EMG1: variants seen among roughly 807,000 people sequenced by gnomAD.
The protein encoded by EMG1 is EMG1 N1-specific pseudouridine methyltransferase.
In EMG1, 24 loss-of-function variants were observed where a neutral mutation model predicts 26.9. The ratio of observed to expected loss-of-function variants is 0.89; its 90% CI spans 0.65 to 1.26. The LOEUF (loss-of-function observed/expected upper bound fraction) is 1.26. Ranked by LOEUF, EMG1 falls within the 50% of genes most tolerant of loss-of-function variation. The pLI, the probability that EMG1 is intolerant of heterozygous loss-of-function variation, is 0.00. For missense variants in EMG1, 299 were observed against 307.6 expected (o/e 0.97, Z 0.21); for synonymous variants, 140 against 112.6 (o/e 1.24, Z -1.54).
At chr12:6,972,066 C>CTTTT (rs11292192) in intron 1 of EMG1, among the ~76,000 whole-genome samples, 22 of 124,684 alleles carry the variant, frequency 1.8e-4, no homozygotes, top group African/African-American at 5.8e-4. Context: ...TCTAAATACA[C>CTTTT]TTTTTTTTTT....
intron 7 of EMG1, among the ~76,000 whole-genome samples, chr12:6,994,557 T>C (rs1192834793): frequency 6.6e-6 from 1 of 151,948 alleles, no homozygotes; most frequent in Non-Finnish European, 1.5e-5. Context: ...GCCTCAACTT[T>C]CTAGGTTCAA....
At position 6,987,356 on chromosome 12, in the gene EMG1, G is replaced by A. The variant is rs1280735416; in HGVS notation, c.*155-426G>A. On this transcript the variant is annotated intron_variant and NMD_transcript_variant, in intron 6 of 7. Coordinates refer to the EMG1 transcript ENST00000261406. This position sits in a 1 kb window ranked among gnomAD's most constrained non-coding sequence, Gnocchi z 4.1. ...GGTTCGTTTTCTAGCTGGCTGAGAT[G>A]ATGGGATATAGGATCACTAGCTCTA... 6.6e-6 allele frequency among the ~76,000 whole-genome samples: 1 copy of A among 152,190 alleles called. No homozygotes were observed. Among genetic ancestry groups the A allele is most frequent in the Admixed American group, 6.5e-5 (1 of 15,280 alleles).
downstream of EMG1, chr12:6,983,040 A>G (rs1555154349): frequency 2.4e-5 from 14 of 576,320 alleles, 1 homozygote; most frequent in East Asian, 7.8e-5. Context: ...TGAGTGCAGT[A>G]GCTCAATCAT....
chr12:6,980,756 G>A, downstream of EMG1: 1 of 341,952 alleles, frequency 2.9e-6, no homozygotes, highest in Non-Finnish European at 5.3e-6. Flanking sequence ...AAATGTGACT[G>A]GTTCAGGCAA....
In EMG1 at chr12:6,987,716, G is replaced by A. The variant is rs1045087076; in HGVS notation, c.*155-66G>A. 3 of 399,578 alleles carry A rather than the reference G, an allele frequency of 7.5e-6. No homozygotes were observed. Among genetic ancestry groups the A allele is most frequent in the East Asian group, 7.1e-5 (2 of 28,062 alleles). 24.8% of individuals were successfully genotyped at this position (399,578 alleles called of 1,614,324 possible). ...AAACCCTTAACCATTTGGAATGCTC[G>A]AAATTAAAAAACACCACACATATTA... is the stretch of plus-strand genomic sequence containing the variant. On this transcript the variant is annotated intron_variant and NMD_transcript_variant, in intron 6 of 7. Coordinates refer to the EMG1 transcript ENST00000261406. This position sits in a 1 kb window ranked among gnomAD's most constrained non-coding sequence, Gnocchi z 4.1.
At chr12:6,972,446 G>A (rs1201742150) in intron 1 of EMG1, among the ~76,000 whole-genome samples, 1 of 152,040 alleles carries the variant, frequency 6.6e-6, no homozygotes, top group African/African-American at 2.4e-5. Context: ...CAAGAATGTT[G>A]CTAGACATAT....
At chr12:6,973,496 C>A (rs1225388154) in intron 1 of EMG1, among the ~76,000 whole-genome samples, 1 of 151,862 alleles carries the variant, frequency 6.6e-6, no homozygotes, top group Admixed American at 6.6e-5. Context: ...TGGGAATAAC[C>A]CCTCTTCCTT....
At chr12:6,972,727 T>G (rs1264430616) in intron 1 of EMG1, among the ~76,000 whole-genome samples, 2 of 152,230 alleles carry the variant, frequency 1.3e-5, no homozygotes, top group Non-Finnish European at 2.9e-5. Flanking sequence ...GGCTTTGTGC[T>G]TGATACATTA....
rs1565596659 is a variant in EMG1, at chr12:6,978,380, A to G, written c.*2571A>G. On this transcript the variant is annotated 3_prime_UTR_variant, in exon 6 of 6. Coordinates refer to ENST00000599672, the MANE Select transcript of EMG1 (RefSeq NM_006331.8). ...GTTGGTGTTGATGTTGAATGAGGCA[A>G]TGGTGCCAGTGAAGCGGGGGTTTGT... 1.2e-6 allele frequency: 2 copies of G among 1,613,450 alleles called. No homozygotes were observed. The highest frequency in any genetic ancestry group is 1.1e-5 in the South Asian group (1 of 91,038).
At chr12:6,975,039 A>G in intron 3 of EMG1, 51 bp from the exon 4 acceptor site, 1 of 1,567,850 alleles carries the variant, frequency 6.4e-7, no homozygotes, top group Non-Finnish European at 8.8e-7. Flanking sequence ...ATGACTGGAC[A>G]GAAGGACTGT....
chr12:6,980,021 CTT>C (rs34110645), downstream of EMG1: 57 of 122,764 alleles, frequency 4.6e-4, no homozygotes, highest in Admixed American at 6.5e-4. Context: ...GGCAATTAAA[CTT>C]TTTTTTTTTT....
At chr12:6,992,790 A>C (rs1347801109), downstream of EMG1, among the ~76,000 whole-genome samples, 5 of 152,132 alleles carry the variant, frequency 3.3e-5, no homozygotes, top group Non-Finnish European at 5.9e-5. Flanking sequence ...CTTGGTGTCC[A>C]TGAAGGATTG....
downstream of EMG1, among the ~76,000 whole-genome samples, chr12:6,982,134 T>TG (rs1946477262): frequency 6.6e-6 from 1 of 152,056 alleles, no homozygotes; most frequent in Non-Finnish European, 1.5e-5. Context: ...GGACCACAGG[T>TG]GCATGCCACC....
chr12:6,992,969 T>C (rs782677302), downstream of EMG1, among the ~76,000 whole-genome samples: 5 of 152,302 alleles, frequency 3.3e-5, no homozygotes, highest in African/African-American at 9.6e-5. Context: ...ATATAGCATA[T>C]TGTTTTTTAT....
In EMG1 at chr12:6,978,202, T is replaced by A. The variant is rs1258529438; in HGVS notation, c.*2393T>A. The A allele has an allele frequency of 1.1e-6, 1 of 924,892 alleles. No homozygotes were observed. The highest frequency in any genetic ancestry group is 2.1e-5 in the African/African-American group (1 of 47,804). 57.3% of individuals were successfully genotyped at this position (924,892 alleles called of 1,614,324 possible). ...TTTGGGAGGGGGGTATAGGTGGGGG[T>A]CAAAGTCAGTGTGAGCGACAGGGGG... On this transcript the variant is annotated 3_prime_UTR_variant, in exon 6 of 6. Transcript: ENST00000599672.
chr12:6,982,262 C>G (rs1946478352), downstream of EMG1, among the ~76,000 whole-genome samples: 1 of 152,148 alleles, frequency 6.6e-6, no homozygotes, highest in Admixed American at 6.5e-5. Context: ...TAGTCTCAAA[C>G]TCCTGGGCTC....
At chr12:6,995,440 C>CTCCA in intron 7 of EMG1, among the ~76,000 whole-genome samples, 1 of 151,640 alleles carries the variant, frequency 6.6e-6, no homozygotes, top group Admixed American at 6.6e-5. Context: ...TCTCACTGTA[C>CTCCA]TCCAGCCTGG....
downstream of EMG1, among the ~76,000 whole-genome samples, chr12:6,992,280 C>G (rs1946596459): frequency 6.6e-6 from 1 of 151,718 alleles, no homozygotes; most frequent in African/African-American, 2.4e-5. Context: ...CGGCAGTGAG[C>G]TGTGATGCCC....
Position 6,979,152 on chromosome 12 carries a change from A to G in EMG1, c.*3343A>G. 2.7e-6 allele frequency: 1 copy of G among 372,430 alleles called. No homozygotes were observed. The highest frequency in any genetic ancestry group is 4.9e-6 in the Non-Finnish European group (1 of 204,510). 23.1% of individuals were successfully genotyped at this position (372,430 alleles called of 1,614,324 possible). ...GCCCAAATGTATCAGTCAAGAGAAG[A>G]AAATAGGATGGAGAATCAGAAGCTG... On this transcript the variant is annotated 3_prime_UTR_variant, in exon 6 of 6. Coordinates refer to ENST00000599672, the MANE Select transcript of EMG1 (RefSeq NM_006331.8).
Sources: gnomAD v4.1 joint callset for allele counts (sites outside exome capture counted in the v4.1 genomes callset) on GRCh38, gnomAD v4.1.1 for gene constraint, Gnocchi (gnomAD v3.1) non-coding constraint, MANE v1.5 for transcripts, NCBI Gene and HGNC (gene_info 2026-07-23, HGNC 2026-07-21) for gene names.